The following CFAP92 variants were observed in gnomAD, a reference collection of about 807,000 sequenced individuals.
The protein encoded by CFAP92 is uncharacterized protein CFAP92.
In CFAP92, 86 loss-of-function variants were observed where a neutral mutation model predicts 106.3. The observed-to-expected ratio is 0.81, with a 90% CI of 0.68 to 0.97. CFAP92 has a LOEUF of 0.97. Ranked by LOEUF, CFAP92 falls within the 50% of genes least tolerant of loss-of-function variation. The pLI is 0.00. For synonymous variants in CFAP92, 477 were observed against 506.4 expected, an observed-to-expected ratio of 0.94 and a Z score of 0.78; for missense variants, 1,204 against 1,283.8, an observed-to-expected ratio of 0.94 and a Z score of 0.95.
chr3:128,964,877 C>T (rs1350994525), intron 9 of CFAP92, among the ~76,000 whole-genome samples: 5 of 151,780 alleles, frequency 3.3e-5, no homozygotes, highest in East Asian at 3.9e-4. Flanking sequence ...TCTCTCTCCA[C>T]ACCACCCCCC....
intron 12 of CFAP92, among the ~76,000 whole-genome samples, chr3:128,921,611 G>T (rs1003506863): frequency 1.3e-5 from 2 of 152,124 alleles, no homozygotes; most frequent in African/African-American, 4.8e-5. Flanking sequence ...ACAGAAAAAA[G>T]GAATGTAGAA....
upstream of CFAP92, chr3:128,994,137 G>A: frequency 5.1e-6 from 5 of 985,770 alleles, no homozygotes; most frequent in Non-Finnish European, 6.0e-6. Flanking sequence ...TACGTTTGGC[G>A]GTTGCTAGGA....
At chr3:128,973,632 G>A (rs1942959859) in intron 7 of CFAP92, among the ~76,000 whole-genome samples, 1 of 150,496 alleles carries the variant, frequency 6.6e-6, no homozygotes, top group African/African-American at 2.5e-5. Context: ...CTCCAGCCTA[G>A]GCAATAAGAG....
rs1486131920 is a variant in CFAP92 at position 128,910,246 on chromosome 3, G to C, written c.*53C>G. 1.3e-5 allele frequency: 20 copies of C among 1,577,242 alleles called. No homozygotes were observed. The highest frequency in any genetic ancestry group is 2.7e-5 in the African/African-American group (2 of 74,530). ...TGTTGAGGAGGGTGTGGTCGGGTGT[G>C]GGGGAGGCTGTGCAGGTTCACCATG... On this transcript the variant is annotated 3_prime_UTR_variant, in exon 16 of 16. Coordinates refer to ENST00000645291, the MANE Select transcript of CFAP92 (RefSeq NM_001394090.1).
chr3:128,947,415 T>C (rs1207759680), intron 9 of CFAP92, among the ~76,000 whole-genome samples: 2 of 152,178 alleles, frequency 1.3e-5, no homozygotes, highest in East Asian at 1.9e-4. Flanking sequence ...AAAATTTGTA[T>C]AGAAGAGCCA....
intron 10 of CFAP92, among the ~76,000 whole-genome samples, chr3:128,939,470 A>G (rs968602616): frequency 6.6e-6 from 1 of 152,160 alleles, no homozygotes; most frequent in African/African-American, 2.4e-5. Flanking sequence ...TATAATTTAC[A>G]TGACAGACAA....
the CFAP92 span, among the ~76,000 whole-genome samples, chr3:129,012,851 C>T: frequency 6.6e-6 from 1 of 152,180 alleles, no homozygotes; most frequent in African/African-American, 2.4e-5. Flanking sequence ...CAGCACCAGG[C>T]ACAGAGAAGG....
chr3:128,973,011 C>T (rs1283322444), intron 7 of CFAP92, among the ~76,000 whole-genome samples: 1 of 152,098 alleles, frequency 6.6e-6, no homozygotes, highest in Non-Finnish European at 1.5e-5. Flanking sequence ...ATTTCTTAAA[C>T]ATTCGTGAAA....
chr3:129,002,841 G>C (rs1286667847), upstream of CFAP92, among the ~76,000 whole-genome samples: 2 of 152,206 alleles, frequency 1.3e-5, no homozygotes, highest in Non-Finnish European at 2.9e-5. Context: ...ACAGAGACAA[G>C]TGAGAAACAG....
At chr3:128,974,847 C>T (rs528183381) in intron 7 of CFAP92, among the ~76,000 whole-genome samples, 6 of 147,594 alleles carry the variant, frequency 4.1e-5, no homozygotes, top group Admixed American at 1.4e-4. Flanking sequence ...GAAGGCCAGG[C>T]GTGGTGGCTC....
At chr3:128,924,181 T>C (rs544250803) in intron 12 of CFAP92, among the ~76,000 whole-genome samples, 19 of 152,216 alleles carry the variant, frequency 1.2e-4, no homozygotes, top group Non-Finnish European at 2.2e-4. Flanking sequence ...TCTGATATAA[T>C]GTAAAAGAGT....
At chr3:129,008,620 C>T in the CFAP92 span, among the ~76,000 whole-genome samples, 1 of 151,506 alleles carries the variant, frequency 6.6e-6, no homozygotes, top group East Asian at 1.9e-4. Context: ...ATCCTTGGGA[C>T]ACAGAAATGG....
In CFAP92 at chr3:128,963,725, A is replaced by G. The variant is rs1201894059; in HGVS notation, c.1353+1786T>C. On this transcript the variant is annotated intron_variant, in intron 9 of 15. Transcript: ENST00000645291. Reference sequence around the variant, plus strand: ...CACACCAGCAAAGGCAGGCTATGCTATAGTACAAGCCACTAGCCCGCCTCT... The same window carrying G: ...CACACCAGCAAAGGCAGGCTATGCTGTAGTACAAGCCACTAGCCCGCCTCT... Among the ~76,000 whole-genome samples the G allele has an allele frequency of 4.7e-5, 7 of 150,112 alleles. No homozygotes were observed. In the East Asian group the frequency reaches 7.8e-4, roughly 17 times the overall value.
At chr3:128,924,602 G>A (rs977554160) in intron 12 of CFAP92, among the ~76,000 whole-genome samples, 17 of 142,092 alleles carry the variant, frequency 1.2e-4, no homozygotes, top group African/African-American at 2.8e-4. Flanking sequence ...GTACCACCAC[G>A]TCCGGCTCAT....
At chr3:128,971,192 G>T in intron 8 of CFAP92, 95 bp downstream of exon 8, 1 of 1,580,662 alleles carries the variant, frequency 6.3e-7, no homozygotes, top group Non-Finnish European at 8.6e-7. Context: ...AAATGAGGTG[G>T]CACGCAGCAG....
At position 128,988,847 on chromosome 3, in the gene CFAP92, T is replaced by C; in HGVS notation, c.334A>G (p.Lys112Glu). 1 of 1,613,902 alleles carries C rather than the reference T, an allele frequency of 6.2e-7. No individual in the cohort carries two copies. Among genetic ancestry groups the C allele is most frequent in the Non-Finnish European group, 8.5e-7 (1 of 1,179,798 alleles). The change falls in exon 3 of 16, where the codon AAG (lysine) becomes GAG (glutamate). Residue 112 changes from lysine (K) to glutamate (E), a missense_variant. Transcript: ENST00000645291. ...TCAATGTGGTAAAAACGACGCATCTTTGTAACAGAACTGTCTGTTTTAGGG... is the reference window on the plus strand; with the variant it reads ...TCAATGTGGTAAAAACGACGCATCTCTGTAACAGAACTGTCTGTTTTAGGG... ...KHPKTDSSVT[K>E]MRRFYHIEYF...
upstream of CFAP92, among the ~76,000 whole-genome samples, chr3:129,004,577 T>A (rs1207968773): frequency 1.4e-5 from 2 of 141,634 alleles, no homozygotes; most frequent in African/African-American, 2.6e-5. Flanking sequence ...CTCCTGTTCA[T>A]CCACAAACAC....
chr3:129,004,067 C>T (rs1448837014), upstream of CFAP92: 5 of 1,508,712 alleles, frequency 3.3e-6, no homozygotes, highest in South Asian at 3.6e-5. Context: ...GGCGGAGCTG[C>T]AACGCTACAG....
intron 1 of CFAP92, chr3:129,002,491 T>G: frequency 7.7e-7 from 1 of 1,301,550 alleles, no homozygotes. Flanking sequence ...CCCCTGTTCC[T>G]CCCCATTCCA....
Sources: gnomAD v4.1 joint callset for allele counts (sites outside exome capture counted in the v4.1 genomes callset) on GRCh38, gnomAD v4.1.1 for gene constraint, MANE v1.5 for transcripts, NCBI Gene and HGNC (gene_info 2026-07-23, HGNC 2026-07-21) for gene names.